Variants in MAGI2 observed in about 807,000 individuals in gnomAD.
MAGI2 encodes the protein membrane associated guanylate kinase, WW and PDZ domain containing 2.
Under a neutral mutation model 133.3 loss-of-function variants are expected in MAGI2, and 35 were observed. The ratio of observed to expected loss-of-function variants is 0.26; its 90% CI spans 0.20 to 0.35. The LOEUF (loss-of-function observed/expected upper bound fraction) is 0.35, where lower values mean the gene tolerates loss of function less well. Ranked by LOEUF, MAGI2 falls within the 10% of genes least tolerant of loss-of-function variation. The probability of loss-of-function intolerance (pLI) is 1.00; values close to 1 mark genes in which losing one functional copy is unlikely to be tolerated. For synonymous variants in MAGI2, 729 were observed against 710.6 expected (o/e 1.03, Z -0.41); for missense variants, 1,636 against 1,863.4 (o/e 0.88, Z 2.25).
At chr7:78,160,819 A>G (rs955687383) in intron 15 of MAGI2, among the ~76,000 whole-genome samples, 5 of 152,250 alleles carry the variant, frequency 3.3e-5, no homozygotes, top group African/African-American at 9.6e-5. Flanking sequence ...GGCTAACAGC[A>G]CAGGTGCCAT....
chr7:78,746,446 G>A (rs1822935404), intron 2 of MAGI2, among the ~76,000 whole-genome samples: 1 of 152,166 alleles, frequency 6.6e-6, no homozygotes, highest in African/African-American at 2.4e-5. Context: ...TCAGTTACAG[G>A]AGCTTATAGG....
intron 1 of MAGI2, among the ~76,000 whole-genome samples, chr7:79,045,244 G>A (rs1416812171): frequency 6.6e-6 from 1 of 152,154 alleles, no homozygotes; most frequent in African/African-American, 2.4e-5. Context: ...TGTAGCAGAA[G>A]GGAACTTTTG....
At chr7:78,585,822 TAC>T (rs1307507213) in intron 3 of MAGI2, among the ~76,000 whole-genome samples, 1 of 152,172 alleles carries the variant, frequency 6.6e-6, no homozygotes, top group Non-Finnish European at 1.5e-5. Flanking sequence ...GGGGTTACTT[TAC>T]AGTCTTGCAT....
At chr7:78,614,813 T>C (rs989093923) in intron 3 of MAGI2, 2 of 152,232 alleles carry the variant, frequency 1.3e-5, no homozygotes, top group African/African-American at 4.8e-5. Flanking sequence ...AGTATTCTAA[T>C]TAGGTGAATA....
chr7:78,730,479 C>A (rs981105776), intron 2 of MAGI2, among the ~76,000 whole-genome samples: 3 of 149,754 alleles, frequency 2.0e-5, no homozygotes, highest in Non-Finnish European at 4.4e-5. Context: ...AGAAGGATAT[C>A]TTTATTGATT....
intron 3 of MAGI2, among the ~76,000 whole-genome samples, chr7:78,553,889 G>C (rs902227353): frequency 1.8e-4 from 27 of 152,170 alleles, no homozygotes; most frequent in Admixed American, 1.8e-3. Flanking sequence ...GTAGGGCCCG[G>C]GGTAGTGGAG....
At chr7:79,079,647 C>T (rs997009050) in intron 1 of MAGI2, among the ~76,000 whole-genome samples, 1 of 152,058 alleles carries the variant, frequency 6.6e-6, no homozygotes, top group Non-Finnish European at 1.5e-5. Context: ...GAGGTACTCA[C>T]ATATCTAGAC....
intron 1 of MAGI2, among the ~76,000 whole-genome samples, chr7:79,126,042 G>A (rs1235622123): frequency 6.6e-6 from 1 of 152,224 alleles, no homozygotes; most frequent in Non-Finnish European, 1.5e-5. Context: ...TCTGTTCTGT[G>A]AAAAGTGTAA....
intron 6 of MAGI2, among the ~76,000 whole-genome samples, chr7:78,470,813 T>C (rs1250463684): frequency 6.6e-6 from 1 of 152,188 alleles, no homozygotes; most frequent in Non-Finnish European, 1.5e-5. Flanking sequence ...GTCTGTTATA[T>C]GGACATCATG....
chr7:78,255,687 C>T, intron 10 of MAGI2: 2 of 582,478 alleles, frequency 3.4e-6, no homozygotes, highest in Non-Finnish European at 5.9e-6. Flanking sequence ...AATCTTTACC[C>T]TCCAACTTTC....
chr7:79,142,837 C>T (rs1323980911), intron 1 of MAGI2, among the ~76,000 whole-genome samples: 3 of 152,110 alleles, frequency 2.0e-5, no homozygotes, highest in Non-Finnish European at 2.9e-5. Flanking sequence ...GGTCCCTGTT[C>T]CACCAGCAGA....
intron 2 of MAGI2, among the ~76,000 whole-genome samples, chr7:78,913,438 G>A (rs1375752587): frequency 6.6e-6 from 1 of 152,060 alleles, no homozygotes; most frequent in East Asian, 1.9e-4. Context: ...GTTTCCTGAG[G>A]CCTCCTCAGA....
At chr7:78,995,137 A>G (rs1320313089) in intron 2 of MAGI2, among the ~76,000 whole-genome samples, 1 of 152,054 alleles carries the variant, frequency 6.6e-6, no homozygotes, top group African/African-American at 2.4e-5. Context: ...CTTGGGCCAC[A>G]CTTAAAATAT....
intron 2 of MAGI2, among the ~76,000 whole-genome samples, chr7:78,649,647 T>C (rs947487301): frequency 1.3e-5 from 2 of 152,160 alleles, no homozygotes; most frequent in African/African-American, 4.8e-5. Flanking sequence ...TTTTTTTTTA[T>C]AGCAGTTGGT....
chr7:78,841,946 C>G (rs188585115), intron 2 of MAGI2, among the ~76,000 whole-genome samples: 69 of 152,006 alleles, frequency 4.5e-4, no homozygotes, highest in African/African-American at 1.5e-3. Flanking sequence ...GACATTGCCC[C>G]CATTACAGTG....
intron 2 of MAGI2, among the ~76,000 whole-genome samples, chr7:78,891,267 A>C (rs1796725438): frequency 6.6e-6 from 1 of 152,222 alleles, no homozygotes; most frequent in Non-Finnish European, 1.5e-5. Flanking sequence ...GTTCAGGACC[A>C]GACGGATTCA....
At chr7:78,403,107 C>A (rs561385357) in intron 6 of MAGI2, among the ~76,000 whole-genome samples, 1 of 152,220 alleles carries the variant, frequency 6.6e-6, no homozygotes, top group South Asian at 2.1e-4. Flanking sequence ...CCCATTAACT[C>A]GTCATTTACA....
At chr7:78,979,211 C>T (rs889866676) in intron 2 of MAGI2, among the ~76,000 whole-genome samples, 2 of 151,702 alleles carry the variant, frequency 1.3e-5, no homozygotes, top group Admixed American at 6.6e-5. Context: ...ATACCAAGTG[C>T]CCAGGTTTTG....
At chr7:78,718,607 AC>A (rs1259964414) in intron 2 of MAGI2, among the ~76,000 whole-genome samples, 2 of 147,878 alleles carry the variant, frequency 1.4e-5, no homozygotes, top group African/African-American at 5.0e-5. Flanking sequence ...GTCCCCCATC[AC>A]CCCCAGATGG....
Sources: allele counts gnomAD v4.1 joint callset (sites outside exome capture counted in the v4.1 genomes callset), GRCh38; gene constraint gnomAD v4.1.1; transcripts MANE v1.5; gene names NCBI Gene and HGNC (gene_info 2026-07-23, HGNC 2026-07-21).